The following PRKCH variants were observed in gnomAD, a reference collection of about 807,000 sequenced individuals.
PRKCH encodes protein kinase C eta.
Under a neutral mutation model 82.5 loss-of-function variants are expected in PRKCH, and 28 were observed. That is an observed-to-expected ratio of 0.34 (90% CI 0.25 to 0.47). The LOEUF (loss-of-function observed/expected upper bound fraction) is 0.47, where lower values mean the gene tolerates loss of function less well. Ranked by LOEUF, PRKCH falls within the 20% of genes least tolerant of loss-of-function variation. PRKCH has a pLI of 1.00. For synonymous variants in PRKCH, 322 were observed against 327.4 expected, an observed-to-expected ratio of 0.98 and a Z score of 0.18; for missense variants, 705 against 881.8, an observed-to-expected ratio of 0.80 and a Z score of 2.54.
At chr14:61,206,972 G>A (rs1217940569) in intron 1 of PRKCH, among the ~76,000 whole-genome samples, 3 of 151,792 alleles carry the variant, frequency 2.0e-5, no homozygotes, top group East Asian at 1.9e-4. Flanking sequence ...CAGACGTGGT[G>A]GTGCATGCCT....
intron 1 of PRKCH, among the ~76,000 whole-genome samples, chr14:61,257,572 A>G (rs1056258960): frequency 6.6e-6 from 1 of 150,936 alleles, no homozygotes; most frequent in Middle Eastern, 3.4e-3. Context: ...TAAGCATAAG[A>G]TCTTTCTCCC....
intron 1 of PRKCH, among the ~76,000 whole-genome samples, chr14:61,252,283 T>C (rs1264824053): frequency 1.3e-5 from 2 of 152,238 alleles, no homozygotes; most frequent in African/African-American, 4.8e-5. Flanking sequence ...TGGTCTGTCC[T>C]GTGGCTTCAG....
intron 10 of PRKCH, among the ~76,000 whole-genome samples, chr14:61,513,968 C>T (rs148235921): frequency 4.8e-4 from 73 of 152,200 alleles, no homozygotes; most frequent in Admixed American, 1.4e-3. Flanking sequence ...AGAAAGGTGA[C>T]AGAGCTAAGA....
intron 10 of PRKCH, among the ~76,000 whole-genome samples, chr14:61,500,602 G>A (rs540599416): frequency 6.6e-6 from 1 of 152,200 alleles, no homozygotes; most frequent in East Asian, 1.9e-4. Flanking sequence ...TTTTCCTGTT[G>A]TAAGGATCTC....
intron 1 of PRKCH, among the ~76,000 whole-genome samples, chr14:61,238,826 A>G (rs2044811842): frequency 2.0e-5 from 3 of 152,210 alleles, no homozygotes; most frequent in African/African-American, 7.2e-5. Context: ...AGCTGTGACA[A>G]CAAACTGGGT....
chr14:61,266,157 C>T (rs1167906629), intron 1 of PRKCH, among the ~76,000 whole-genome samples: 1 of 152,026 alleles, frequency 6.6e-6, no homozygotes, highest in African/African-American at 2.4e-5. Flanking sequence ...GTGGCTCATG[C>T]CTGTAATCTC....
Position 61,437,491 on chromosome 14 carries a change from A to G in PRKCH, c.428-5620A>G, listed in dbSNP as rs144267843. On this transcript the variant is annotated intron_variant, in intron 2 of 13. Transcript: ENST00000332981. ...ACAAATTATCTCAGGAAGAAGAAAA[A>G]AGACATTTGATAGTATATCCAGTAG... is the stretch of plus-strand genomic sequence containing the variant. Among the ~76,000 whole-genome samples the G allele has an allele frequency of 4.3e-3, 654 of 152,324 alleles. 10 individuals carry two copies. The highest frequency in any genetic ancestry group is 0.015 in the African/African-American group (630 of 41,570).
At chr14:61,337,023 G>A (rs1333875780) in intron 1 of PRKCH, among the ~76,000 whole-genome samples, 7 of 140,392 alleles carry the variant, frequency 5.0e-5, no homozygotes, top group African/African-American at 1.9e-4. Context: ...GCAGTGAGTC[G>A]AGATTGTGGA....
intron 1 of PRKCH, chr14:61,353,718 G>A (rs914858380): frequency 3.9e-5 from 6 of 152,084 alleles, no homozygotes; most frequent in Non-Finnish European, 7.3e-5. Flanking sequence ...ATCACATGAG[G>A]CCAGGAGTTT....
At chr14:61,435,476 C>G (rs1244322322) in intron 2 of PRKCH, among the ~76,000 whole-genome samples, 3 of 151,898 alleles carry the variant, frequency 2.0e-5, no homozygotes, top group African/African-American at 7.3e-5. Context: ...CAACAAATGC[C>G]AAGTTTTAGG....
At chr14:61,413,736 T>A (rs191734580) in intron 2 of PRKCH, among the ~76,000 whole-genome samples, 5 of 152,270 alleles carry the variant, frequency 3.3e-5, no homozygotes, top group East Asian at 3.9e-4. Flanking sequence ...TCTCCTTTTT[T>A]TCATCCGGAT....
intron 1 of PRKCH, among the ~76,000 whole-genome samples, chr14:61,323,768 C>T (rs2045661175): frequency 6.6e-6 from 1 of 152,050 alleles, no homozygotes; most frequent in African/African-American, 2.4e-5. Context: ...GAAGTGGGGA[C>T]TAGAGAGGAA....
intron 10 of PRKCH, among the ~76,000 whole-genome samples, chr14:61,516,632 G>T (rs2042833115): frequency 6.6e-6 from 1 of 152,158 alleles, no homozygotes; most frequent in Non-Finnish European, 1.5e-5. Flanking sequence ...TGCTCAAGAA[G>T]TACCAGTGAG....
intron 1 of PRKCH, among the ~76,000 whole-genome samples, chr14:61,284,154 G>A (rs2045294986): frequency 6.6e-6 from 1 of 152,228 alleles, no homozygotes; most frequent in Non-Finnish European, 1.5e-5. Flanking sequence ...TGAAACAAGA[G>A]GGCAGGGTGA....
chr14:61,422,793 A>AT (rs1026502679), intron 2 of PRKCH, among the ~76,000 whole-genome samples: 22 of 151,982 alleles, frequency 1.4e-4, no homozygotes, highest in African/African-American at 3.1e-4. Flanking sequence ...AGGCATCCCC[A>AT]TTTTTTTTAA....
intron 2 of PRKCH, 65 bp downstream of exon 2, chr14:61,391,353 T>C: frequency 7.5e-7 from 1 of 1,333,562 alleles, no homozygotes. Flanking sequence ...AGTAGGAATT[T>C]CTATCATGGA....
At chr14:61,355,889 C>T (rs1476371187) in intron 1 of PRKCH, among the ~76,000 whole-genome samples, 1 of 152,204 alleles carries the variant, frequency 6.6e-6, no homozygotes, top group Non-Finnish European at 1.5e-5. Context: ...GAGGCAGCAA[C>T]GTCAGGCCCG....
At chr14:61,464,173 C>T (rs565223117) in intron 9 of PRKCH, among the ~76,000 whole-genome samples, 1 of 152,334 alleles carries the variant, frequency 6.6e-6, no homozygotes, top group Non-Finnish European at 1.5e-5. Flanking sequence ...TACTAATTTA[C>T]ATTCCCACCA....
chr14:61,326,808 G>A (rs892228526), intron 1 of PRKCH: 10 of 195,442 alleles, frequency 5.1e-5, no homozygotes, highest in Non-Finnish European at 7.6e-5. Flanking sequence ...TTTTGGACAT[G>A]GTCTCATTTT....
Sources: allele counts gnomAD v4.1 joint callset (sites outside exome capture counted in the v4.1 genomes callset), GRCh38; gene constraint gnomAD v4.1.1; transcripts MANE v1.5; gene names NCBI Gene and HGNC (gene_info 2026-07-23, HGNC 2026-07-21).